The following COL4A1 variants were observed in gnomAD, a reference collection of about 807,000 sequenced individuals.
COL4A1 encodes collagen type IV alpha 1 chain, also known as collagen alpha-1(IV) chain.
COL4A1 carries 40 observed loss-of-function variants against 216.6 expected under a neutral mutation model. The observed-to-expected ratio is 0.18, with a 90% CI of 0.14 to 0.24. The LOEUF is 0.24. Among genes scored for constraint, COL4A1 ranks in the 10% least tolerant of loss-of-function variants. COL4A1 has a pLI of 1.00. For missense variants in COL4A1, 1,628 were observed against 2,196.8 expected (o/e 0.74, Z 5.18); for synonymous variants, 839 against 810.7 (o/e 1.03, Z -0.59).
intron 2 of COL4A1, among the ~76,000 whole-genome samples, chr13:110,228,239 G>A (rs901046210): frequency 4.4e-4 from 26 of 59,214 alleles, no homozygotes; most frequent in South Asian, 6.7e-4. Context: ...TGCGGGGGCG[G>A]GGGGGGGGTC....
intron 2 of COL4A1, among the ~76,000 whole-genome samples, chr13:110,238,157 G>A (rs1881407774): frequency 6.6e-6 from 1 of 152,228 alleles, no homozygotes; most frequent in Admixed American, 6.5e-5. Context: ...ACAGGATAAT[G>A]TGCTGCTTCT....
intron 1 of COL4A1, among the ~76,000 whole-genome samples, chr13:110,250,338 T>C (rs1359419816): frequency 6.6e-6 from 1 of 152,184 alleles, no homozygotes; most frequent in Non-Finnish European, 1.5e-5. Context: ...AATTAGAGAC[T>C]GAGTTTGCAG....
At chr13:110,285,971 G>A (rs961386153) in intron 1 of COL4A1, among the ~76,000 whole-genome samples, 2 of 152,214 alleles carry the variant, frequency 1.3e-5, no homozygotes, top group Admixed American at 1.3e-4. Context: ...GCCTTGGTTA[G>A]ACCCTCTGGA....
intron 50 of COL4A1, 130 bp from the exon 51 acceptor site, chr13:110,152,636 C>T: frequency 9.0e-7 from 1 of 1,114,372 alleles, no homozygotes; most frequent in Non-Finnish European, 1.3e-6. Flanking sequence ...ATGTGGTCAC[C>T]ACAGGACACA....
At chr13:110,277,902 T>C (rs1883486731) in intron 1 of COL4A1, among the ~76,000 whole-genome samples, 1 of 152,206 alleles carries the variant, frequency 6.6e-6, no homozygotes, top group Non-Finnish European at 1.5e-5. Flanking sequence ...TTAATTCCCA[T>C]ATCATCTTTT....
Position 110,183,124 on chromosome 13 carries a change from C to T in COL4A1, c.1991-27G>A, listed in dbSNP as rs758434378. 2.1e-5 allele frequency: 34 copies of T among 1,611,958 alleles called. 2 individuals carry two copies. The highest frequency in any genetic ancestry group is 2.1e-4 in the South Asian group (19 of 90,604). ...TGTGGTGAGAAAGACCAACAGTCAGCGTGAGAAAAACGTGAGGAAACTCTC... is the reference window on the plus strand; with the variant it reads ...TGTGGTGAGAAAGACCAACAGTCAGTGTGAGAAAAACGTGAGGAAACTCTC... On this transcript the variant is annotated intron_variant, in intron 27 of 51. Coordinates refer to ENST00000375820, the MANE Select transcript of COL4A1 (RefSeq NM_001845.6).
In COL4A1 at chr13:110,173,937, A is replaced by G. The variant is rs1296803571; in HGVS notation, c.3468T>C (p.Asp1156=). The G allele has an allele frequency of 1.9e-6, 3 of 1,614,190 alleles. No homozygotes were observed. In the South Asian group the frequency reaches 3.3e-5, roughly 18 times the overall value. ...PAGQKGEPGS[D]GIPGSAGEKG... is the part of the protein sequence containing the mutation. ...TCTCTCCTGCTGACCCCGGGATTCC[A>G]TCACTGCCTGGCTCCCCTTTCTGGC... The change falls in exon 40 of 52, where the codon GAT becomes GAC. Residue 1156 remains aspartate, a synonymous_variant. Coordinates refer to ENST00000375820, the MANE Select transcript of COL4A1 (RefSeq NM_001845.6).
chr13:110,267,045 C>G lies in COL4A1; in HGVS notation c.85-24311G>C, dbSNP rs182558463. ...TCTGCCAGGGACCAGCAGCCAAGGGCAAATGTGAAGCAAGCCTTTTTGAGC... is the reference window on the plus strand; with the variant it reads ...TCTGCCAGGGACCAGCAGCCAAGGGGAAATGTGAAGCAAGCCTTTTTGAGC... On this transcript the variant is annotated intron_variant, in intron 1 of 51. Transcript: ENST00000375820. Among the ~76,000 whole-genome samples the G allele has an allele frequency of 2.1e-3, 314 of 152,268 alleles. 2 individuals are homozygous for G. Among genetic ancestry groups the G allele is most frequent in the African/African-American group, 6.9e-3 (285 of 41,562 alleles).
intron 2 of COL4A1, among the ~76,000 whole-genome samples, chr13:110,235,102 C>G (rs1049717984): frequency 6.6e-6 from 1 of 152,140 alleles, no homozygotes; most frequent in Non-Finnish European, 1.5e-5. Context: ...GAAATTCTCA[C>G]TAAGTCAAAT....
chr13:110,259,804 C>T (rs1165634696), intron 1 of COL4A1, among the ~76,000 whole-genome samples: 1 of 152,226 alleles, frequency 6.6e-6, no homozygotes. Context: ...GAGCTAAGTG[C>T]TGCCTTCTCC....
chr13:110,212,024 A>G, intron 6 of COL4A1, 102 bp from the exon 7 acceptor site: 1 of 1,230,312 alleles, frequency 8.1e-7, no homozygotes, highest in Non-Finnish European at 1.2e-6. Context: ...TTTGTTGGTT[A>G]AAATCATTTC....
chr13:110,261,910 G>A (rs1041597868), intron 1 of COL4A1, among the ~76,000 whole-genome samples: 3 of 152,200 alleles, frequency 2.0e-5, no homozygotes, highest in African/African-American at 7.2e-5. Flanking sequence ...GACTCATTTC[G>A]AGGCCAGCAC....
chr13:110,253,289 C>CATATAATTAGGTAT (rs1882283446), intron 1 of COL4A1, among the ~76,000 whole-genome samples: 1 of 95,598 alleles, frequency 1.0e-5, no homozygotes, highest in Non-Finnish European at 2.1e-5. Context: ...ATATGTATTA[C>CATATAATTAGGTAT]ATATACATAT....
At chr13:110,203,799 G>T (rs1016783869) in intron 17 of COL4A1, among the ~76,000 whole-genome samples, 192 bp from the exon 18 acceptor site, 2 of 152,106 alleles carry the variant, frequency 1.3e-5, no homozygotes, top group South Asian at 4.1e-4. Flanking sequence ...CTTTGCACAC[G>T]CATGACACAT....
At chr13:110,214,519 G>T (rs1270023528) in intron 2 of COL4A1, among the ~76,000 whole-genome samples, 1 of 152,210 alleles carries the variant, frequency 6.6e-6, no homozygotes, top group Non-Finnish European at 1.5e-5. Flanking sequence ...TACATGGACA[G>T]TAAGGAAGAT....
chr13:110,183,332 A>C, intron 26 of COL4A1, 56 bp from the exon 27 acceptor site: 1 of 1,534,666 alleles, frequency 6.5e-7, no homozygotes, highest in South Asian at 1.2e-5. Flanking sequence ...CACACGGAAC[A>C]CAGGGAGGAC....
chr13:110,230,532 AG>A (rs1440908744), intron 2 of COL4A1, among the ~76,000 whole-genome samples: 2 of 85,990 alleles, frequency 2.3e-5, no homozygotes, highest in African/African-American at 7.8e-5. Flanking sequence ...AGAAGGGTAA[AG>A]GGGGCGAGTG....
intron 37 of COL4A1, 50 bp from the exon 38 acceptor site, chr13:110,174,799 C>T (rs1381175602): frequency 3.3e-6 from 5 of 1,529,482 alleles, no homozygotes; most frequent in Non-Finnish European, 4.5e-6. Context: ...CATGGGCATG[C>T]ATCTGTAGGC....
chr13:110,272,799 A>G (rs577524221), intron 1 of COL4A1, among the ~76,000 whole-genome samples: 22 of 152,352 alleles, frequency 1.4e-4, no homozygotes, highest in South Asian at 6.2e-4. Flanking sequence ...AAAGGAAGCC[A>G]CATTGGAATG....
Sources: gnomAD v4.1 joint callset for allele counts (sites outside exome capture counted in the v4.1 genomes callset) on GRCh38, gnomAD v4.1.1 for gene constraint, MANE v1.5 for transcripts, NCBI Gene and HGNC (gene_info 2026-07-23, HGNC 2026-07-21) for gene names.